DLG2: variants seen among roughly 807,000 people sequenced by gnomAD.
DLG2 encodes the protein discs large MAGUK scaffold protein 2, also known as disks large homolog 2.
In DLG2, 45 loss-of-function variants were observed where a neutral mutation model predicts 132.5. That is an observed-to-expected ratio of 0.34 (90% CI 0.27 to 0.44). The LOEUF (loss-of-function observed/expected upper bound fraction) is 0.44. Among genes scored for constraint, DLG2 ranks in the 20% least tolerant of loss-of-function variants. The probability of loss-of-function intolerance (pLI) is 1.00; values close to 1 mark genes in which losing one functional copy is unlikely to be tolerated. For missense variants in DLG2, 1,045 were observed against 1,196.9 expected (o/e 0.87, Z 1.87); for synonymous variants, 424 against 419.6 (o/e 1.01, Z -0.13).
intron 6 of DLG2, among the ~76,000 whole-genome samples, chr11:84,667,511 T>TG (rs1289089550): frequency 6.7e-6 from 1 of 148,586 alleles, no homozygotes; most frequent in Non-Finnish European, 1.5e-5. Context: ...TTTTTTTTTT[T>TG]TTTGAGTCAT....
intron 19 of DLG2, among the ~76,000 whole-genome samples, chr11:83,602,121 C>G (rs1399243866): frequency 4.6e-5 from 7 of 152,182 alleles, no homozygotes; most frequent in African/African-American, 1.7e-4. Context: ...CCACATGTTT[C>G]TGGATTTCAA....
At chr11:84,606,330 G>A (rs867197864) in intron 6 of DLG2, among the ~76,000 whole-genome samples, 4 of 152,168 alleles carry the variant, frequency 2.6e-5, no homozygotes, top group African/African-American at 4.8e-5. Flanking sequence ...TAAACAGAGA[G>A]TACAGAAATG....
At chr11:84,047,175 G>C (rs1174813620) in intron 11 of DLG2, among the ~76,000 whole-genome samples, 1 of 151,550 alleles carries the variant, frequency 6.6e-6, no homozygotes. Flanking sequence ...TGGGAAAAAA[G>C]CCAAAACTAC....
intron 18 of DLG2, among the ~76,000 whole-genome samples, chr11:83,717,690 T>C (rs1467450779): frequency 1.3e-5 from 2 of 152,154 alleles, no homozygotes; most frequent in African/African-American, 4.8e-5. Flanking sequence ...CTGCCTTTTG[T>C]TGGTGAAATA....
At chr11:85,138,930 T>C (rs1382676054) in intron 5 of DLG2, among the ~76,000 whole-genome samples, 1 of 152,066 alleles carries the variant, frequency 6.6e-6, no homozygotes, top group Non-Finnish European at 1.5e-5. Flanking sequence ...TGTTCCTCAA[T>C]ATAGTGTTTC....
At chr11:85,011,767 C>A (rs2059162785) in intron 6 of DLG2, among the ~76,000 whole-genome samples, 1 of 152,148 alleles carries the variant, frequency 6.6e-6, no homozygotes, top group Non-Finnish European at 1.5e-5. Flanking sequence ...GAATTCCAGT[C>A]TCTTATAAGA....
chr11:84,275,207 C>T (rs960758885), intron 7 of DLG2, among the ~76,000 whole-genome samples: 1 of 152,130 alleles, frequency 6.6e-6, no homozygotes, highest in Non-Finnish European at 1.5e-5. Flanking sequence ...TCCTAAAAAT[C>T]CTCTTCTCTT....
chr11:83,463,237 T>G (rs751434424), intron 26 of DLG2, among the ~76,000 whole-genome samples: 1 of 149,598 alleles, frequency 6.7e-6, no homozygotes. Flanking sequence ...ACTTGATATC[T>G]TTCAAAAGAG....
intron 3 of DLG2, among the ~76,000 whole-genome samples, chr11:85,541,893 GA>G (rs2075998789): frequency 6.6e-6 from 1 of 151,936 alleles, no homozygotes; most frequent in Non-Finnish European, 1.5e-5. Flanking sequence ...AATGCAAATG[GA>G]ATTATTTGTG....
At chr11:85,436,279 A>C (rs1017514517) in intron 3 of DLG2, among the ~76,000 whole-genome samples, 4 of 152,098 alleles carry the variant, frequency 2.6e-5, no homozygotes, top group African/African-American at 9.7e-5. Flanking sequence ...ATCACCAAAA[A>C]CAACTGCAAC....
intron 17 of DLG2, chr11:83,790,889 C>T: frequency 2.6e-6 from 2 of 763,288 alleles, no homozygotes; most frequent in Non-Finnish European, 4.6e-6. Flanking sequence ...AAGGACACAT[C>T]CCCTCATCTA....
intron 3 of DLG2, among the ~76,000 whole-genome samples, chr11:85,576,868 G>C (rs1315574946): frequency 6.6e-6 from 1 of 152,138 alleles, no homozygotes; most frequent in South Asian, 2.1e-4. Context: ...TTAGATGGAA[G>C]TAAGGAAAGG....
intron 6 of DLG2, among the ~76,000 whole-genome samples, chr11:85,052,203 G>A (rs571056382): frequency 7.9e-4 from 120 of 152,206 alleles, no homozygotes; most frequent in African/African-American, 2.8e-3. Context: ...AAGGTTCCTA[G>A]GTGACAAAAA....
chr11:84,352,922 T>C (rs1567375505), intron 7 of DLG2, among the ~76,000 whole-genome samples: 1 of 152,138 alleles, frequency 6.6e-6, no homozygotes, highest in Non-Finnish European at 1.5e-5. Context: ...TTTTACTTCT[T>C]TCTTCTGTTC....
intron 6 of DLG2, among the ~76,000 whole-genome samples, chr11:84,965,114 G>A (rs2053141951): frequency 1.3e-5 from 2 of 151,976 alleles, no homozygotes; most frequent in Non-Finnish European, 2.9e-5. Context: ...TTCATAAATT[G>A]CAGTACTGCA....
chr11:83,662,257 G>C (rs1370025925), intron 18 of DLG2, among the ~76,000 whole-genome samples: 3 of 152,136 alleles, frequency 2.0e-5, no homozygotes, highest in Non-Finnish European at 4.4e-5. Flanking sequence ...AATTATCTAT[G>C]GAAAGAATAC....
At chr11:84,642,119 T>A (rs1565535945) in intron 6 of DLG2, among the ~76,000 whole-genome samples, 4 of 138,990 alleles carry the variant, frequency 2.9e-5, no homozygotes. Context: ...ATATGTAGAG[T>A]GTGTGTGTGT....
intron 5 of DLG2, among the ~76,000 whole-genome samples, chr11:85,145,206 C>T (rs73525442): frequency 0.11 from 16,496 of 151,856 alleles, 1,177 homozygotes; most frequent in East Asian, 0.3. Context: ...CAGATGTATG[C>T]TCCCTTGCAA....
At chr11:85,439,689 A>G (rs2153027769) in intron 3 of DLG2, among the ~76,000 whole-genome samples, 1 of 152,188 alleles carries the variant, frequency 6.6e-6, no homozygotes, top group African/African-American at 2.4e-5. Flanking sequence ...CGAGGATCAC[A>G]ATATGTTTTT....
Sources: allele counts gnomAD v4.1 joint callset (sites outside exome capture counted in the v4.1 genomes callset), GRCh38; gene constraint gnomAD v4.1.1; transcripts MANE v1.5; gene names NCBI Gene and HGNC (gene_info 2026-07-23, HGNC 2026-07-21).